DMD: variants seen among roughly 807,000 people sequenced by gnomAD.
The protein encoded by DMD is dystrophin.
DMD carries 63 observed loss-of-function variants against 330.1 expected under a neutral mutation model. The observed-to-expected ratio is 0.19, with a 90% CI of 0.16 to 0.24. DMD has a LOEUF of 0.24. DMD is among the 10% of genes least tolerant of loss of function. The probability of loss-of-function intolerance (pLI) is 1.00; values close to 1 mark genes in which losing one functional copy is unlikely to be tolerated. For synonymous variants in DMD, 1,223 were observed against 959.8 expected (o/e 1.27, Z -5.07); for missense variants, 3,344 against 2,684.1 (o/e 1.25, Z -5.43).
chrX:32,302,184 G>A (rs2097525864), intron 42 of DMD, among the ~76,000 whole-genome samples: 1 of 111,231 alleles, frequency 9.0e-6, no homozygotes, highest in South Asian at 3.7e-4. Flanking sequence ...CTTCAGTATA[G>A]TATTCACTAA....
At chrX:32,784,187 C>A (rs1213718850) in intron 7 of DMD, among the ~76,000 whole-genome samples, 1 of 111,657 alleles carries the variant, frequency 9.0e-6, no homozygotes, top group Non-Finnish European at 1.9e-5. Context: ...ATTTTATTGG[C>A]AATATATGTT....
intron 1 of DMD, among the ~76,000 whole-genome samples, chrX:33,099,674 C>G (rs1290659516): frequency 8.9e-6 from 1 of 111,852 alleles, no homozygotes; most frequent in Non-Finnish European, 1.9e-5. Flanking sequence ...AAACATATCT[C>G]TAGAATAGTT....
intron 41 of DMD, among the ~76,000 whole-genome samples, chrX:32,327,284 A>G (rs1041259269): frequency 9.0e-6 from 1 of 111,117 alleles, no homozygotes; most frequent in Non-Finnish European, 1.9e-5. Flanking sequence ...GGATTTGGAA[A>G]TTCATTTCAT....
intron 60 of DMD, among the ~76,000 whole-genome samples, chrX:31,403,020 T>C (rs984437099): frequency 3.6e-5 from 4 of 111,841 alleles, no homozygotes; most frequent in Non-Finnish European, 7.5e-5. Flanking sequence ...TCATGCCTCC[T>C]AGTACAATTG....
At chrX:31,441,448 C>T (rs983153905) in intron 60 of DMD, among the ~76,000 whole-genome samples, 7 of 112,174 alleles carry the variant, frequency 6.2e-5, no homozygotes, top group East Asian at 2.8e-4. Flanking sequence ...CCGCCTGCCT[C>T]GGCCTCCCAA....
At chrX:32,070,609 C>CTA (rs1186534526) in intron 44 of DMD, among the ~76,000 whole-genome samples, 45 of 108,239 alleles carry the variant, frequency 4.2e-4, no homozygotes, top group African/African-American at 8.7e-4. Context: ...GTACGTGTGT[C>CTA]TATATATATA....
intron 54 of DMD, among the ~76,000 whole-genome samples, chrX:31,637,101 C>T (rs1401565515): frequency 9.0e-6 from 1 of 111,669 alleles, no homozygotes; most frequent in Non-Finnish European, 1.9e-5. Flanking sequence ...GAAATAAATA[C>T]ATTTTAATAA....
At chrX:32,497,523 T>A (rs766117377) in intron 19 of DMD, among the ~76,000 whole-genome samples, 1 of 112,111 alleles carries the variant, frequency 8.9e-6, no homozygotes, top group African/African-American at 3.2e-5. Context: ...GGTGAAAGGA[T>A]CTTAGAGACT....
chrX:31,967,910 G>A (rs982434984), intron 45 of DMD, among the ~76,000 whole-genome samples: 6 of 111,788 alleles, frequency 5.4e-5, no homozygotes, highest in African/African-American at 1.9e-4. Context: ...CTAGAGGTAA[G>A]TGACACTATC....
At chrX:31,873,253 C>T (rs748409693) in intron 48 of DMD, among the ~76,000 whole-genome samples, 3 of 111,949 alleles carry the variant, frequency 2.7e-5, no homozygotes, top group Non-Finnish European at 5.6e-5. Context: ...GTGACTTCCA[C>T]AGTGCCATCT....
At chrX:31,744,971 T>C (rs1200858808) in intron 51 of DMD, among the ~76,000 whole-genome samples, 1 of 111,900 alleles carries the variant, frequency 8.9e-6, no homozygotes, top group African/African-American at 3.2e-5. Context: ...AGCCCATGCA[T>C]GCTCGCACAC....
At chrX:32,481,941 A>G (rs1161400595) in intron 21 of DMD, among the ~76,000 whole-genome samples, 1 of 111,726 alleles carries the variant, frequency 9.0e-6, no homozygotes, top group Non-Finnish European at 1.9e-5. Flanking sequence ...TCTGTTCTGA[A>G]AGCAATCTAA....
At chrX:31,791,713 T>C (rs998136118) in intron 50 of DMD, among the ~76,000 whole-genome samples, 3 of 111,647 alleles carry the variant, frequency 2.7e-5, no homozygotes, top group Non-Finnish European at 3.8e-5. Context: ...TTTCTTAGAC[T>C]TTTTTTTGCA....
At chrX:31,537,852 C>T (rs1251280564) in intron 55 of DMD, among the ~76,000 whole-genome samples, 1 of 112,127 alleles carries the variant, frequency 8.9e-6, no homozygotes, top group East Asian at 2.8e-4. Flanking sequence ...AATACCCTTA[C>T]CATCTATAGG....
At chrX:32,619,425 G>GA (rs1556857093) in intron 11 of DMD, among the ~76,000 whole-genome samples, 1 of 111,118 alleles carries the variant, frequency 9.0e-6, no homozygotes, top group Non-Finnish European at 1.9e-5. Context: ...ATATACTCTT[G>GA]AAAAATGTAG....
At chrX:31,509,846 T>G (rs2071314468) in intron 55 of DMD, among the ~76,000 whole-genome samples, 1 of 112,163 alleles carries the variant, frequency 8.9e-6, no homozygotes, top group East Asian at 2.8e-4. Context: ...GTAAGAGGAG[T>G]ACAAATGATA....
chrX:33,274,606 T>A (rs2053207121), intron 1 of DMD, among the ~76,000 whole-genome samples: 1 of 112,059 alleles, frequency 8.9e-6, no homozygotes, highest in Non-Finnish European at 1.9e-5. Flanking sequence ...AAAATAAGGT[T>A]CTGTTGTTTG....
intron 7 of DMD, among the ~76,000 whole-genome samples, chrX:32,746,111 T>C (rs1051777738): frequency 8.9e-6 from 1 of 112,191 alleles, no homozygotes; most frequent in Non-Finnish European, 1.9e-5. Context: ...ATTCTACAGG[T>C]AATAACATGA....
At chrX:31,348,368 C>G (rs2058214471) in intron 61 of DMD, 188 bp downstream of exon 61, 1 of 471,707 alleles carries the variant, frequency 2.1e-6, no homozygotes. Context: ...CAAAATGATC[C>G]AATTGGCCTT....
Sources: gnomAD v4.1 joint callset for allele counts (sites outside exome capture counted in the v4.1 genomes callset) on GRCh38, gnomAD v4.1.1 for gene constraint, MANE v1.5 for transcripts, NCBI Gene and HGNC (gene_info 2026-07-23, HGNC 2026-07-21) for gene names.